The following OPRD1 variants were observed in gnomAD, a reference collection of about 807,000 sequenced individuals.
The protein encoded by OPRD1 is delta-type opioid receptor.
In OPRD1, 19 loss-of-function variants were observed where a neutral mutation model predicts 17.5. That is an observed-to-expected ratio of 1.09 (90% confidence interval 0.76 to 1.60). The LOEUF is 1.60. Ranked by LOEUF, OPRD1 falls within the 40% of genes most tolerant of loss-of-function variation. The probability of loss-of-function intolerance (pLI) is 0.00; values close to 1 mark genes in which losing one functional copy is unlikely to be tolerated. For missense variants in OPRD1, 483 were observed against 547.2 expected, an observed-to-expected ratio of 0.88 and a Z score of 1.17; for synonymous variants, 256 against 240.9, an observed-to-expected ratio of 1.06 and a Z score of -0.58.
intron 1 of OPRD1, among the ~76,000 whole-genome samples, chr1:28,841,144 A>G (rs934915499): frequency 6.6e-6 from 1 of 152,164 alleles, no homozygotes; most frequent in Non-Finnish European, 1.5e-5. Flanking sequence ...TTCTGAATTG[A>G]CCTGTCCTCT....
chr1:28,836,072 A>G (rs2088850120), intron 1 of OPRD1, among the ~76,000 whole-genome samples: 1 of 152,206 alleles, frequency 6.6e-6, no homozygotes, highest in Admixed American at 6.5e-5. Context: ...TTGATGGAAA[A>G]AAGGCCTTCT....
At chr1:28,845,794 A>T (rs964914402) in intron 1 of OPRD1, among the ~76,000 whole-genome samples, 2 of 116,406 alleles carry the variant, frequency 1.7e-5, no homozygotes, top group African/African-American at 5.3e-5. Flanking sequence ...CTTTTGTAAC[A>T]GAAAAAAAAA....
chr1:28,829,228 C>T (rs2088792711), intron 1 of OPRD1, among the ~76,000 whole-genome samples: 1 of 152,182 alleles, frequency 6.6e-6, no homozygotes, highest in Admixed American at 6.6e-5. Context: ...TCACCTCTTT[C>T]AGCCTTCTTA....
chr1:28,854,453 C>T (rs1235759332), intron 1 of OPRD1, among the ~76,000 whole-genome samples: 1 of 151,874 alleles, frequency 6.6e-6, no homozygotes, highest in African/African-American at 2.4e-5. Context: ...AACTCCTGGG[C>T]TCAAGCAGTC....
chr1:28,827,634 A>C (rs758034836), intron 1 of OPRD1, among the ~76,000 whole-genome samples: 47 of 152,298 alleles, frequency 3.1e-4, no homozygotes, highest in Non-Finnish European at 6.3e-4. Flanking sequence ...TTTCTACTAC[A>C]TCTGCAGTTA....
Position 28,823,050 on chromosome 1 carries a change from G to A in OPRD1, c.227+10440G>A, listed in dbSNP as rs905378602. On this transcript the variant is annotated intron_variant, in intron 1 of 2. Coordinates refer to ENST00000234961, the MANE Select transcript of OPRD1 (RefSeq NM_000911.4). ...TGCAGGCTATAGTGGCCCCATTACC[G>A]GCTGGGAGCTGTGGGGTGGAATGAG... Among the ~76,000 whole-genome samples the A allele has an allele frequency of 9.2e-5, 14 of 152,126 alleles. No individual in the cohort carries two copies. The South Asian group carries it at 1.2e-3, about 14-fold the overall frequency.
Position 28,865,545 on chromosome 1 carries a change from C to T in OPRD1, c.*2262C>T, listed in dbSNP as rs933367849. 2.0e-5 allele frequency: 3 copies of T among 152,138 alleles called. No individual in the cohort carries two copies. The highest frequency in any genetic ancestry group is 4.8e-5 in the African/African-American group (2 of 41,426). The allele number at this position is 152,138 out of a possible 1,614,324, so 9.4% of individuals were successfully genotyped here. A position where few individuals can be genotyped will look rare whatever the true frequency, so the allele number is the denominator to read the frequency against. ...AGAGGGCAAAGCACAGCCCCCTTCT[C>T]AGGGTGAGGCTCCCAGCAGCCCCAG... On this transcript the variant is annotated 3_prime_UTR_variant, in exon 3 of 3. Coordinates refer to ENST00000234961, the MANE Select transcript of OPRD1 (RefSeq NM_000911.4).
At chr1:28,819,214 T>C (rs1462040216) in intron 1 of OPRD1, among the ~76,000 whole-genome samples, 1 of 152,006 alleles carries the variant, frequency 6.6e-6, no homozygotes, top group East Asian at 1.9e-4. Flanking sequence ...TGGTGGTGCA[T>C]GCCTGTAATC....
At chr1:28,827,746 T>C (rs1391072315) in intron 1 of OPRD1, among the ~76,000 whole-genome samples, 1 of 151,774 alleles carries the variant, frequency 6.6e-6, no homozygotes, top group Non-Finnish European at 1.5e-5. Context: ...TTCCCCCTGC[T>C]CAGAGACACA....
intron 1 of OPRD1, among the ~76,000 whole-genome samples, chr1:28,850,608 C>T (rs2088993325): frequency 6.6e-6 from 1 of 152,000 alleles, no homozygotes; most frequent in African/African-American, 2.4e-5. Context: ...CATGCGTGAG[C>T]CACTGTGCCC....
intron 1 of OPRD1, among the ~76,000 whole-genome samples, chr1:28,818,484 C>T (rs1485211831): frequency 1.3e-5 from 2 of 152,118 alleles, no homozygotes; most frequent in Admixed American, 6.6e-5. Flanking sequence ...AGGGGAGCAG[C>T]AGTTGGCTCC....
In OPRD1 at chr1:28,868,275, A is replaced by C. The variant is rs1453800945; in HGVS notation, c.*4992A>C. On this transcript the variant is annotated 3_prime_UTR_variant, in exon 3 of 3. Coordinates refer to ENST00000234961, the MANE Select transcript of OPRD1 (RefSeq NM_000911.4). ...GCTTCAGTTTCCTTCTAGAGTTGAG[A>C]TGTGGGAATTGGTCCATCTCTAATA... 6.6e-6 allele frequency: 1 copy of C among 152,108 alleles called. No homozygotes were observed. Among genetic ancestry groups the C allele is most frequent in the Non-Finnish European group, 1.5e-5 (1 of 68,016 alleles). 9.4% of individuals were successfully genotyped at this position (152,108 alleles called of 1,614,324 possible).
rs2089063153 is a variant in OPRD1, at chr1:28,857,014, A to AG, written c.228-1935dup. On this transcript the variant is annotated intron_variant, in intron 1 of 2. Coordinates refer to ENST00000234961, the MANE Select transcript of OPRD1 (RefSeq NM_000911.4). ...CTCTGGTCTACCACCGAGGACACCC[A>AG]GGGGGTCTCAGACCCCAGCCAATCT... Among the ~76,000 whole-genome samples, 3 of 152,048 alleles carry AG rather than the reference A, an allele frequency of 2.0e-5. No individual in the cohort carries two copies. In the South Asian group the frequency reaches 6.2e-4, roughly 32 times the overall value.
chr1:28,861,545 A>G (rs2236854), intron 2 of OPRD1, among the ~76,000 whole-genome samples: 76,681 of 151,840 alleles, frequency 0.51, 21,190 homozygotes, highest in East Asian at 0.78. Context: ...CCAGGGCTTA[A>G]GCGATCCTCC....
chr1:28,868,839 G>GAAA lies in OPRD1; in HGVS notation c.*5568_*5570dup. On this transcript the variant is annotated 3_prime_UTR_variant, in exon 3 of 3. Coordinates refer to ENST00000234961, the MANE Select transcript of OPRD1 (RefSeq NM_000911.4). Reference sequence around the variant, plus strand: ...TGGGCGACAGAGCGAGACTCTGTCTGAAAAAAAAAAAAAATTAAAAAGAAA... The same window carrying GAAA: ...TGGGCGACAGAGCGAGACTCTGTCTGAAAAAAAAAAAAAAAAATTAAAAAGAAA... 7.1e-6 allele frequency: 1 copy of GAAA among 140,818 alleles called. No homozygotes were observed. The highest frequency in any genetic ancestry group is 1.6e-5 in the Non-Finnish European group (1 of 64,074). The allele number at this position is 140,818 out of a possible 1,614,324, so 8.7% of individuals were successfully genotyped here.
At chr1:28,856,750 C>G (rs2089061216) in intron 1 of OPRD1, among the ~76,000 whole-genome samples, 1 of 152,226 alleles carries the variant, frequency 6.6e-6, no homozygotes, top group Non-Finnish European at 1.5e-5. Flanking sequence ...ATGTAGATAG[C>G]TGTGCAGGGC....
chr1:28,859,180 C>T lies in OPRD1; in HGVS notation c.454C>T (p.His152Tyr), dbSNP rs2089087983. ...TGTTGACCGCTACATCGCTGTCTGC[C>T]ACCCTGTCAAGGCCCTGGACTTCCG... ...MSVDRYIAVC[H>Y]PVKALDFRTP... The change falls in exon 2 of 3, where the codon CAC becomes TAC. Residue 152 changes from histidine to tyrosine, a missense_variant. Transcript: ENST00000234961. The T allele has an allele frequency of 6.2e-7, 1 of 1,614,146 alleles. No individual in the cohort carries two copies. Among genetic ancestry groups the T allele is most frequent in the Non-Finnish European group, 8.5e-7 (1 of 1,180,058 alleles).
intron 1 of OPRD1, among the ~76,000 whole-genome samples, chr1:28,817,739 G>C (rs169446): frequency 0.078 from 11,935 of 152,076 alleles, 644 homozygotes; most frequent in African/African-American, 0.15. Flanking sequence ...GAGTCTCACT[G>C]TGTTGCCCAG....
chr1:28,859,742 A>G (rs1177025722), intron 2 of OPRD1, among the ~76,000 whole-genome samples: 5 of 152,226 alleles, frequency 3.3e-5, no homozygotes, highest in Admixed American at 1.3e-4. Flanking sequence ...CTGTGGTCCC[A>G]TTTTAAACTC....
Sources: gnomAD v4.1 joint callset for allele counts (sites outside exome capture counted in the v4.1 genomes callset) on GRCh38, gnomAD v4.1.1 for gene constraint, MANE v1.5 for transcripts, NCBI Gene and HGNC (gene_info 2026-07-23, HGNC 2026-07-21) for gene names.